FMN2: variants seen among roughly 807,000 people sequenced by gnomAD.
The protein encoded by FMN2 is formin-2.
Under a neutral mutation model 142.3 loss-of-function variants are expected in FMN2, and 51 were observed. That is an observed-to-expected ratio of 0.36 (90% CI 0.29 to 0.45). The LOEUF (loss-of-function observed/expected upper bound fraction) is 0.45, where lower values mean the gene tolerates loss of function less well. Ranked by LOEUF, FMN2 falls within the 20% of genes least tolerant of loss-of-function variation. The pLI is 1.00. For synonymous variants in FMN2, 882 were observed against 869.8 expected, an observed-to-expected ratio of 1.01 and a Z score of -0.25; for missense variants, 1,936 against 2,122.8, an observed-to-expected ratio of 0.91 and a Z score of 1.73.
chr1:240,120,330 A>G (rs1031196011), intron 1 of FMN2, among the ~76,000 whole-genome samples: 9 of 152,212 alleles, frequency 5.9e-5, no homozygotes, highest in African/African-American at 2.2e-4. Flanking sequence ...AAGTTGCTCA[A>G]AACAAAATTA....
Position 240,177,967 on chromosome 1 carries a change from C to G in FMN2, c.1829C>G (p.Ser610Ter), listed in dbSNP as rs1664990963. The change falls in exon 3 of 18, where the codon TCA becomes TGA. Residue 610 changes from serine to a stop codon, truncating the protein, a stop_gained. Coordinates refer to ENST00000319653, the MANE Select transcript of FMN2 (RefSeq NM_020066.5). LOFTEE classifies it high-confidence loss of function. ...GCTGCAGTTAGTCAACCCACACACT[C>G]ATTGGACTATTCAGAAGGGCAGTTT... is the stretch of plus-strand genomic sequence containing the variant. ...TWAAVSQPTHSLDYSEGQFPR... is the reference protein window; with the variant it reads ...TWAAVSQPTH 1 of 1,611,020 alleles carries G rather than the reference C, an allele frequency of 6.2e-7. No individual in the cohort carries two copies. Among genetic ancestry groups the G allele is most frequent in the Non-Finnish European group, 8.5e-7 (1 of 1,179,066 alleles).
At chr1:240,349,846 A>G (rs1351122680) in intron 13 of FMN2, among the ~76,000 whole-genome samples, 6 of 152,178 alleles carry the variant, frequency 3.9e-5, no homozygotes, top group Admixed American at 3.9e-4. Flanking sequence ...ATGTTTTTTA[A>G]TATTTGGATT....
intron 7 of FMN2, among the ~76,000 whole-genome samples, chr1:240,272,895 A>T (rs1669067586): frequency 6.6e-6 from 1 of 152,180 alleles, no homozygotes; most frequent in African/African-American, 2.4e-5. Context: ...TACATTAAAC[A>T]ATTTAAATCA....
At chr1:240,110,166 G>C (rs938799195) in intron 1 of FMN2, among the ~76,000 whole-genome samples, 20 of 152,156 alleles carry the variant, frequency 1.3e-4, no homozygotes, top group Non-Finnish European at 2.8e-4. Flanking sequence ...TTGGTCAGAA[G>C]CTTTTCCCAG....
intron 14 of FMN2, among the ~76,000 whole-genome samples, chr1:240,373,509 A>T (rs949374816): frequency 6.6e-6 from 1 of 152,166 alleles, no homozygotes; most frequent in Non-Finnish European, 1.5e-5. Flanking sequence ...GACTTTCTAA[A>T]TCTTTTCTTG....
chr1:240,339,573 C>T (rs1671679522), intron 13 of FMN2, among the ~76,000 whole-genome samples: 1 of 151,928 alleles, frequency 6.6e-6, no homozygotes, highest in Non-Finnish European at 1.5e-5. Context: ...AATTTACCAT[C>T]TTTACCATTT....
At chr1:240,097,531 A>G (rs921128131) in intron 1 of FMN2, among the ~76,000 whole-genome samples, 1 of 151,630 alleles carries the variant, frequency 6.6e-6, no homozygotes, top group Non-Finnish European at 1.5e-5. Context: ...AATTTTTTGT[A>G]TTTTTAGTAC....
chr1:240,239,204 G>T (rs1667809243), intron 6 of FMN2, among the ~76,000 whole-genome samples: 1 of 152,140 alleles, frequency 6.6e-6, no homozygotes, highest in African/African-American at 2.4e-5. Flanking sequence ...GAGACTCTGG[G>T]ACAATAGAGT....
intron 7 of FMN2, 36 bp from the exon 8 acceptor site, chr1:240,294,786 C>G (rs1276705260): frequency 1.2e-6 from 2 of 1,606,880 alleles, no homozygotes; most frequent in Non-Finnish European, 1.7e-6. Flanking sequence ...TCACAGGTGG[C>G]TTATGGCAAT....
chr1:240,236,075 G>A (rs1572100938), intron 6 of FMN2, among the ~76,000 whole-genome samples: 1 of 152,156 alleles, frequency 6.6e-6, no homozygotes, highest in African/African-American at 2.4e-5. Flanking sequence ...CAAAGGAGGT[G>A]GGTGTGTGAT....
At chr1:240,227,002 A>G (rs767550191) in intron 6 of FMN2, among the ~76,000 whole-genome samples, 3 of 152,222 alleles carry the variant, frequency 2.0e-5, no homozygotes, top group Non-Finnish European at 4.4e-5. Context: ...AGTCAAGGCA[A>G]TTAGGCAAGG....
At position 240,092,006 on chromosome 1, in the gene FMN2, C is replaced by T. The variant is rs1351699013; in HGVS notation, c.-104C>T. ...CCCTCCCAGCGGCTCCCCCCGCCGC[C>T]GCCTGACTCTCCCGGGAGACTCCCT... is the stretch of plus-strand genomic sequence containing the variant. On this transcript the variant is annotated 5_prime_UTR_variant, in exon 1 of 18. Coordinates refer to ENST00000319653, the MANE Select transcript of FMN2 (RefSeq NM_020066.5). 1.4e-6 allele frequency: 2 copies of T among 1,386,866 alleles called. No homozygotes were observed. The highest frequency in any genetic ancestry group is 1.9e-6 in the Non-Finnish European group (2 of 1,080,106). The allele number at this position is 1,386,866 out of a possible 1,614,324, so 85.9% of individuals were successfully genotyped here.
chr1:240,429,705 T>C (rs1242967523), intron 15 of FMN2, among the ~76,000 whole-genome samples: 1 of 152,090 alleles, frequency 6.6e-6, no homozygotes, highest in African/African-American at 2.4e-5. Context: ...TGTCACTTAT[T>C]TTTTTAGAGG....
At chr1:240,270,244 GT>G (rs1392491987) in intron 7 of FMN2, among the ~76,000 whole-genome samples, 1 of 152,140 alleles carries the variant, frequency 6.6e-6, no homozygotes, top group East Asian at 1.9e-4. Flanking sequence ...CATGAAACGA[GT>G]TTGCCAAGGA....
At chr1:240,329,587 G>T in intron 10 of FMN2, 119 bp downstream of exon 10, 20 of 1,315,324 alleles carry the variant, frequency 1.5e-5, no homozygotes, top group Non-Finnish European at 2.1e-5. Context: ...TTGAAGGATC[G>T]CAGTCCCACA....
chr1:240,172,531 T>C (rs1664749542), intron 2 of FMN2, among the ~76,000 whole-genome samples: 1 of 152,188 alleles, frequency 6.6e-6, no homozygotes, highest in South Asian at 2.1e-4. Flanking sequence ...CCATGTAATT[T>C]TCATAGTTCT....
intron 15 of FMN2, among the ~76,000 whole-genome samples, chr1:240,410,609 A>T (rs1674357713): frequency 6.6e-6 from 1 of 152,168 alleles, no homozygotes; most frequent in South Asian, 2.1e-4. Flanking sequence ...CTAGAAGAAA[A>T]TATTGAGAAA....
At chr1:240,443,799 G>A (rs552256873) in intron 16 of FMN2, among the ~76,000 whole-genome samples, 14 of 152,098 alleles carry the variant, frequency 9.2e-5, no homozygotes, top group African/African-American at 3.4e-4. Context: ...ACCAGAAGAT[G>A]GGAAGGGAGA....
intron 7 of FMN2, among the ~76,000 whole-genome samples, chr1:240,271,589 G>T (rs1377639302): frequency 6.6e-6 from 1 of 151,796 alleles, no homozygotes. Context: ...AAATGCTGTT[G>T]GGAGGTTTAG....
Sources: allele counts gnomAD v4.1 joint callset (sites outside exome capture counted in the v4.1 genomes callset), GRCh38; gene constraint gnomAD v4.1.1; transcripts MANE v1.5; gene names NCBI Gene and HGNC (gene_info 2026-07-23, HGNC 2026-07-21).